Variants in REPS2 observed in about 807,000 individuals in gnomAD.
The protein encoded by REPS2 is ralBP1-associated Eps domain-containing protein 2.
Under a neutral mutation model 53.6 loss-of-function variants are expected in REPS2, and 23 were observed. That is an observed-to-expected ratio of 0.43 (90% CI 0.31 to 0.61). The LOEUF (loss-of-function observed/expected upper bound fraction) is 0.61, where lower values mean the gene tolerates loss of function less well. Ranked by LOEUF, REPS2 falls within the 20% of genes least tolerant of loss-of-function variation. The pLI is 0.11. For missense variants in REPS2, 446 were observed against 534.9 expected, an observed-to-expected ratio of 0.83 and a Z score of 1.64; for synonymous variants, 238 against 218.6, an observed-to-expected ratio of 1.09 and a Z score of -0.78.
intron 5 of REPS2, 61 bp downstream of exon 5, chrX:17,029,684 A>G: frequency 1.2e-6 from 1 of 824,734 alleles, no homozygotes; most frequent in Non-Finnish European, 1.8e-6. Flanking sequence ...GGCTTCGGGG[A>G]CATGGCTTTT....
At chrX:17,063,169 A>T (rs2062179946) in intron 9 of REPS2, among the ~76,000 whole-genome samples, 1 of 111,815 alleles carries the variant, frequency 8.9e-6, no homozygotes, top group East Asian at 2.8e-4. Context: ...TGTCATCACC[A>T]TTGTCATTAT....
rs377400371 is a variant in REPS2, at chrX:17,135,013, C to T, written c.1663-248C>T. On this transcript the variant is annotated intron_variant, in intron 15 of 17. Transcript: ENST00000357277. ...CCATGGTGTGAGATGCACACAGGGTCTGTGTGAGTTTCAGGTGACAAGAAG... is the reference window on the plus strand; with the variant it reads ...CCATGGTGTGAGATGCACACAGGGTTTGTGTGAGTTTCAGGTGACAAGAAG... Among the ~76,000 whole-genome samples the T allele has an allele frequency of 4.5e-5, 5 of 110,171 alleles. No individual in the cohort carries two copies. In the East Asian group the frequency reaches 1.1e-3, roughly 25 times the overall value.
chrX:17,094,692 A>T (rs978639747), intron 13 of REPS2, among the ~76,000 whole-genome samples: 6 of 110,454 alleles, frequency 5.4e-5, no homozygotes, highest in Non-Finnish European at 1.1e-4. Context: ...TTGTTTTCTG[A>T]ATGTTCTTTG....
chrX:16,956,197 CTT>C (rs11339565), intron 1 of REPS2, among the ~76,000 whole-genome samples: 283 of 86,913 alleles, frequency 3.3e-3, no homozygotes, highest in African/African-American at 7.3e-3. Context: ...AGAACTACAT[CTT>C]TTTTTTTTTT....
At chrX:17,064,626 C>T (rs2062202689) in intron 9 of REPS2, among the ~76,000 whole-genome samples, 1 of 112,326 alleles carries the variant, frequency 8.9e-6, no homozygotes. Flanking sequence ...TTCTAAACAG[C>T]TTTATTGATA....
Position 16,960,140 on chromosome X carries a change from G to A in REPS2, c.273+13006G>A, listed in dbSNP as rs757292243. On this transcript the variant is annotated intron_variant, in intron 1 of 17. Transcript: ENST00000357277. ...ACACTTTGGGAAGCTGAGGTGGGAG[G>A]ATTGCTTGAGGCCAGGAGTTCAAGA... is the stretch of plus-strand genomic sequence containing the variant. Among the ~76,000 whole-genome samples the A allele has an allele frequency of 2.7e-5, 3 of 111,185 alleles. No homozygotes were observed. The South Asian group carries it at 1.1e-3, about 42-fold the overall frequency.
chrX:17,059,718 C>T (rs1220434289), intron 8 of REPS2, among the ~76,000 whole-genome samples: 3 of 111,143 alleles, frequency 2.7e-5, no homozygotes, highest in Admixed American at 1.9e-4. Context: ...CCACCCACCT[C>T]GGCCTCCCAA....
intron 1 of REPS2, among the ~76,000 whole-genome samples, chrX:16,988,321 G>C (rs1321980399): frequency 9.0e-6 from 1 of 111,445 alleles, no homozygotes; most frequent in African/African-American, 3.3e-5. Flanking sequence ...CAGATGACAT[G>C]ATTGTCTACA....
At chrX:17,012,424 C>A (rs983849304) in intron 2 of REPS2, among the ~76,000 whole-genome samples, 2 of 106,729 alleles carry the variant, frequency 1.9e-5, no homozygotes, top group Non-Finnish European at 3.8e-5. Flanking sequence ...AAACAAAACC[C>A]TAATGTGATA....
Position 17,025,051 on chromosome X carries a change from C to G in REPS2, c.547-8C>G, listed in dbSNP as rs1274392370. 4 of 1,210,501 alleles carry G rather than the reference C, an allele frequency of 3.3e-6. No homozygotes were observed. The highest frequency in any genetic ancestry group is 4.5e-6 in the Non-Finnish European group (4 of 895,338). The stretch of plus-strand genomic sequence containing the variant: ...AGCGCCTCTGAACTCTGATCTGGTT[C>G]TTTGAAGCAGGAAACACAGTCTCCC... On this transcript the variant is annotated splice_polypyrimidine_tract_variant and splice_region_variant and intron_variant, in intron 3 of 17. Coordinates refer to ENST00000357277, the MANE Select transcript of REPS2 (RefSeq NM_004726.3).
At chrX:17,179,881 A>G in the REPS2 span, among the ~76,000 whole-genome samples, 1 of 112,233 alleles carries the variant, frequency 8.9e-6, no homozygotes, top group South Asian at 3.7e-4. Flanking sequence ...TTTGTACCTT[A>G]GACTGTGCAG....
chrX:16,994,462 C>T (rs543000153), intron 1 of REPS2, among the ~76,000 whole-genome samples: 7 of 110,313 alleles, frequency 6.3e-5, no homozygotes, highest in African/African-American at 2.3e-4. Context: ...ATTTATAATA[C>T]GCCATGGAAT....
chrX:17,104,396 A>G (rs903559097), intron 14 of REPS2, among the ~76,000 whole-genome samples: 1 of 112,324 alleles, frequency 8.9e-6, no homozygotes, highest in Non-Finnish European at 1.9e-5. Context: ...AATGAGAAGC[A>G]AACAGTGGAG....
chrX:17,068,511 A>G, intron 10 of REPS2, 40 bp downstream of exon 10: 1 of 1,050,667 alleles, frequency 9.5e-7, no homozygotes, highest in Non-Finnish European at 1.3e-6. Flanking sequence ...CCAGCGTTCT[A>G]CCTGTTACCT....
chrX:17,017,452 T>G (rs2061513464), intron 2 of REPS2, among the ~76,000 whole-genome samples: 1 of 111,152 alleles, frequency 9.0e-6, no homozygotes, highest in African/African-American at 3.3e-5. Context: ...AGTATAGAAA[T>G]TAGTACAGAG....
intron 2 of REPS2, among the ~76,000 whole-genome samples, chrX:17,019,820 C>CA (rs780912428): frequency 1.8e-5 from 2 of 110,764 alleles, no homozygotes; most frequent in East Asian, 5.6e-4. Flanking sequence ...GACCTTGTCT[C>CA]AAAAAAACAA....
At chrX:17,133,935 A>G (rs2063327508) in intron 15 of REPS2, 28 bp downstream of exon 15, 1 of 1,117,870 alleles carries the variant, frequency 8.9e-7, no homozygotes, top group South Asian at 1.8e-5. Context: ...ATGCTGTCAG[A>G]TGGCGTTGCG....
At chrX:17,028,151 G>T (rs1471084227) in intron 4 of REPS2, among the ~76,000 whole-genome samples, 1 of 111,618 alleles carries the variant, frequency 9.0e-6, no homozygotes, top group Non-Finnish European at 1.9e-5. Context: ...GCCAGATGGT[G>T]GCCTGTTCCC....
chrX:17,104,360 A>T (rs763570403), intron 14 of REPS2, among the ~76,000 whole-genome samples: 2 of 112,230 alleles, frequency 1.8e-5, no homozygotes, highest in African/African-American at 6.5e-5. Context: ...CTATGGCCTT[A>T]TTCATCAACA....
Sources: gnomAD v4.1 joint callset for allele counts (sites outside exome capture counted in the v4.1 genomes callset) on GRCh38, gnomAD v4.1.1 for gene constraint, MANE v1.5 for transcripts, NCBI Gene and HGNC (gene_info 2026-07-23, HGNC 2026-07-21) for gene names.